The following LRP2BP variants were observed in gnomAD, a reference collection of about 807,000 sequenced individuals.
The protein encoded by LRP2BP is LRP2-binding protein.
In LRP2BP, 38 loss-of-function variants were observed where a neutral mutation model predicts 45.2. That is an observed-to-expected ratio of 0.84 (90% CI 0.65 to 1.10). LRP2BP has a LOEUF of 1.10. LRP2BP is among the 50% of genes least tolerant of loss of function. The probability of loss-of-function intolerance (pLI) is 0.00; values close to 1 mark genes in which losing one functional copy is unlikely to be tolerated. For synonymous variants in LRP2BP, 153 were observed against 153.9 expected, an observed-to-expected ratio of 0.99 and a Z score of 0.04; for missense variants, 385 against 418.9, an observed-to-expected ratio of 0.92 and a Z score of 0.71.
intron 1 of LRP2BP, among the ~76,000 whole-genome samples, chr4:185,380,440 C>T (rs922281499): frequency 6.6e-5 from 10 of 152,134 alleles, no homozygotes; most frequent in Non-Finnish European, 8.8e-5. Context: ...CATTCCCCAC[C>T]AGCTTCTGGT....
chr4:185,373,784 A>G (rs1158243267), intron 6 of LRP2BP, among the ~76,000 whole-genome samples: 2 of 152,128 alleles, frequency 1.3e-5, no homozygotes, highest in African/African-American at 4.8e-5. Flanking sequence ...ATTTGTAACT[A>G]ATTCTTGGTA....
At chr4:185,388,724 T>G (rs1053100821) in intron 1 of LRP2BP, among the ~76,000 whole-genome samples, 4 of 152,040 alleles carry the variant, frequency 2.6e-5, no homozygotes, top group African/African-American at 9.7e-5. Context: ...TCTACTGTCT[T>G]TATATTGTTT....
intron 2 of LRP2BP, 104 bp downstream of exon 2, chr4:185,377,977 C>T (rs1345404642): frequency 1.0e-6 from 1 of 959,330 alleles, no homozygotes; most frequent in Non-Finnish European, 1.6e-6. Context: ...TAACCACTTC[C>T]TTGAAATCAA....
chr4:185,367,628 C>CAGCT (rs1194947113), intron 8 of LRP2BP, among the ~76,000 whole-genome samples: 3 of 152,086 alleles, frequency 2.0e-5, no homozygotes, highest in African/African-American at 7.2e-5. Context: ...TTAAAATATA[C>CAGCT]AGCTAAAATA....
At chr4:185,396,588 C>T, upstream of LRP2BP, 1 of 328,808 alleles carries the variant, frequency 3.0e-6, no homozygotes, top group Non-Finnish European at 5.6e-6. Flanking sequence ...GGCCCCGCCC[C>T]GAGGTGGGAG....
At chr4:185,393,028 G>T (rs1403974992) in intron 1 of LRP2BP, among the ~76,000 whole-genome samples, 1 of 152,180 alleles carries the variant, frequency 6.6e-6, no homozygotes, top group African/African-American at 2.4e-5. Context: ...CTGCTTCCTG[G>T]GTTCAAGTGA....
At chr4:185,367,815 C>T (rs2095395334) in intron 8 of LRP2BP, among the ~76,000 whole-genome samples, 1 of 152,116 alleles carries the variant, frequency 6.6e-6, no homozygotes, top group African/African-American at 2.4e-5. Flanking sequence ...ACACATTCTA[C>T]ATATGTAGAA....
chr4:185,371,504 T>A lies in LRP2BP; in HGVS notation c.804-690A>T, dbSNP rs192259231. Among the ~76,000 whole-genome samples the A allele has an allele frequency of 3.3e-3, 449 of 135,084 alleles. 1 individual carries two copies. The highest frequency in any genetic ancestry group is 0.012 in the African/African-American group (420 of 35,220). 88.6% of individuals were successfully genotyped at this position (135,084 alleles called of 152,430 possible). A position where few individuals can be genotyped will look rare whatever the true frequency, so the allele number is the denominator to read the frequency against. ...TTGCAGTGAGCCGAGATCGCACCAC[T>A]GCACTCCAGCCTGGGCAACAGAGCG... is the stretch of plus-strand genomic sequence containing the variant. On this transcript the variant is annotated intron_variant, in intron 7 of 8. Transcript: ENST00000505916.
At chr4:185,371,870 G>A (rs1251920756) in intron 7 of LRP2BP, among the ~76,000 whole-genome samples, 3 of 152,104 alleles carry the variant, frequency 2.0e-5, no homozygotes, top group African/African-American at 2.4e-5. Context: ...ACTGCCCTGA[G>A]CTAGGGCTCG....
chr4:185,372,605 C>T lies in LRP2BP; in HGVS notation c.803+251G>A, dbSNP rs558193869. Reference sequence around the variant, plus strand: ...CCCAGTGTTGCTAGTGTGATCGTATCAAGAGGTGGGGCTCTTAAGAGGCGA... The same window carrying T: ...CCCAGTGTTGCTAGTGTGATCGTATTAAGAGGTGGGGCTCTTAAGAGGCGA... On this transcript the variant is annotated intron_variant, in intron 7 of 8. Coordinates refer to ENST00000505916, the MANE Select transcript of LRP2BP (RefSeq NM_001377440.1). Among the ~76,000 whole-genome samples the T allele has an allele frequency of 2.0e-5, 3 of 152,286 alleles. No homozygotes were observed. In the South Asian group the frequency reaches 6.2e-4, roughly 32 times the overall value.
intron 8 of LRP2BP, chr4:185,369,991 G>C (rs1242839227): frequency 4.7e-6 from 1 of 212,676 alleles, no homozygotes; most frequent in Non-Finnish European, 9.7e-6. Context: ...ATTCTGACTC[G>C]TGGATGTGAT....
chr4:185,374,130 G>A lies in LRP2BP; in HGVS notation c.579+5C>T, dbSNP rs761062106. On this transcript the variant is annotated splice_donor_5th_base_variant and intron_variant, in intron 6 of 8. Transcript: ENST00000505916. ...ACACTAGCATTAAAAAAGAGGGAAC[G>A]TTACCTTTTCTAACTCCTTGGGCTC... The A allele has an allele frequency of 8.1e-6, 13 of 1,609,370 alleles. No homozygotes were observed. Among genetic ancestry groups the A allele is most frequent in the South Asian group, 6.6e-5 (6 of 90,782 alleles).
In LRP2BP at chr4:185,395,177, C is replaced by T. The variant is rs1015070642; in HGVS notation, c.-420G>A. On this transcript the variant is annotated 5_prime_UTR_variant, in exon 1 of 9. Coordinates refer to ENST00000505916, the MANE Select transcript of LRP2BP (RefSeq NM_001377440.1). The stretch of plus-strand genomic sequence containing the variant: ...TGTAACGACTCCCCAAATTTCCTTT[C>T]CTTATGAAATTTACGTATGTAACAG... 53 of 985,220 alleles carry T rather than the reference C, an allele frequency of 5.4e-5. No individual in the cohort carries two copies. Among genetic ancestry groups the T allele is most frequent in the Non-Finnish European group, 6.4e-5 (53 of 829,906 alleles). The allele number at this position is 985,220 out of a possible 1,614,324, so 61.0% of individuals were successfully genotyped here.
chr4:185,368,649 A>T (rs191922494), intron 8 of LRP2BP, among the ~76,000 whole-genome samples: 1 of 152,334 alleles, frequency 6.6e-6, no homozygotes, highest in African/African-American at 2.4e-5. Context: ...TTTTATCAGT[A>T]TCCCCATAAT....
intron 1 of LRP2BP, among the ~76,000 whole-genome samples, chr4:185,392,269 A>C (rs1181844074): frequency 6.6e-6 from 1 of 152,258 alleles, no homozygotes; most frequent in Non-Finnish European, 1.5e-5. Context: ...TGAACATTTA[A>C]ATCTAGTCAC....
At chr4:185,390,854 CCA>C (rs1190805884) in intron 1 of LRP2BP, 1 of 152,220 alleles carries the variant, frequency 6.6e-6, no homozygotes, top group African/African-American at 2.4e-5. Context: ...TGCAAGGATA[CCA>C]CAGAGTGTCC....
chr4:185,365,014 G>GTGTA lies in LRP2BP; in HGVS notation c.*2162_*2165dup, dbSNP rs1038519474. On this transcript the variant is annotated 3_prime_UTR_variant, in exon 9 of 9. Coordinates refer to ENST00000505916, the MANE Select transcript of LRP2BP (RefSeq NM_001377440.1). ...AATCTTAGAGAAGGAGTGTGTGTGT[G>GTGTA]TGTATGTGTGTGTGTGTGTGTGTGT... The GTGTA allele has an allele frequency of 7.7e-6, 1 of 130,510 alleles. No individual in the cohort carries two copies. The highest frequency in any genetic ancestry group is 1.6e-5 in the Non-Finnish European group (1 of 63,868). The allele number at this position is 130,510 out of a possible 1,614,324, so 8.1% of individuals were successfully genotyped here. A position where few individuals can be genotyped will look rare whatever the true frequency, so the allele number is the denominator to read the frequency against.
Position 185,378,154 on chromosome 4 carries a change from G to T in LRP2BP, c.33C>A (p.Asn11Lys), listed in dbSNP as rs370539231. 1 of 1,613,904 alleles carries T rather than the reference G, an allele frequency of 6.2e-7. No individual in the cohort carries two copies. The highest frequency in any genetic ancestry group is 8.5e-7 in the Non-Finnish European group (1 of 1,179,994). ...ACTGAGATACAGAGGCATAAAAGGG[G>T]TTCTTGGGCAACTTTTCACTGGTCA... is the stretch of plus-strand genomic sequence containing the variant. MKLTSEKLPK[N>K]PFYASVSQYA... is the part of the protein sequence containing the mutation. Residue 11 changes from asparagine to lysine, a missense_variant, in exon 2 of 9, where the codon AAC becomes AAA. Asn to Lys is a moderately conservative substitution (Grantham distance 94). Coordinates refer to ENST00000505916, the MANE Select transcript of LRP2BP (RefSeq NM_001377440.1).
At chr4:185,367,760 T>C (rs1267608489) in intron 8 of LRP2BP, among the ~76,000 whole-genome samples, 1 of 152,172 alleles carries the variant, frequency 6.6e-6, no homozygotes, top group Admixed American at 6.5e-5. Context: ...CCCACGACAG[T>C]TGGTCACTAG....
Sources: allele counts gnomAD v4.1 joint callset (sites outside exome capture counted in the v4.1 genomes callset), GRCh38; gene constraint gnomAD v4.1.1; transcripts MANE v1.5; gene names NCBI Gene and HGNC (gene_info 2026-07-23, HGNC 2026-07-21).